The following GABRG3 variants were observed in gnomAD, a reference collection of about 807,000 sequenced individuals.
The protein encoded by GABRG3 is gamma-aminobutyric acid type A receptor subunit gamma3.
Under a neutral mutation model 48.8 loss-of-function variants are expected in GABRG3, and 25 were observed. The ratio of observed to expected loss-of-function variants is 0.51; its 90% confidence interval spans 0.37 to 0.72. The LOEUF (loss-of-function observed/expected upper bound fraction) is 0.72. GABRG3 is among the 30% of genes least tolerant of loss of function. The pLI, the probability that GABRG3 is intolerant of heterozygous loss-of-function variation, is 0.00. For synonymous variants in GABRG3, 227 were observed against 217.6 expected (o/e 1.04, Z -0.38); for missense variants, 394 against 577.9 (o/e 0.68, Z 3.26).
chr15:27,306,950 T>A (rs868582743), intron 3 of GABRG3, among the ~76,000 whole-genome samples: 2 of 124,280 alleles, frequency 1.6e-5, no homozygotes, highest in African/African-American at 6.6e-5. Flanking sequence ...ACATATATAA[T>A]ATAAACATGT....
chr15:27,493,244 A>C (rs960165106), intron 6 of GABRG3, among the ~76,000 whole-genome samples: 1 of 152,162 alleles, frequency 6.6e-6, no homozygotes, highest in Non-Finnish European at 1.5e-5. Flanking sequence ...ACTCTTTTCC[A>C]TACAATAGAC....
At chr15:26,985,481 A>G (rs1018611061) in intron 2 of GABRG3, among the ~76,000 whole-genome samples, 1 of 152,202 alleles carries the variant, frequency 6.6e-6, no homozygotes, top group African/African-American at 2.4e-5. Context: ...CTTGAATTAT[A>G]ATTTTTAAAT....
At chr15:27,356,421 AATGTACTATATGGCAGGAT>A (rs2140542000) in intron 5 of GABRG3, among the ~76,000 whole-genome samples, 1 of 152,268 alleles carries the variant, frequency 6.6e-6, no homozygotes, top group South Asian at 2.1e-4. Flanking sequence ...ATTTTTTGAG[AATGTACTATATGGCAGGAT>A]ATCAGAAAGG....
At chr15:27,228,390 T>C (rs1284363966) in intron 3 of GABRG3, among the ~76,000 whole-genome samples, 1 of 152,242 alleles carries the variant, frequency 6.6e-6, no homozygotes, top group African/African-American at 2.4e-5. Flanking sequence ...GCAAAAGACA[T>C]GTTCTCATTC....
chr15:27,098,770 C>T (rs574956004), intron 3 of GABRG3, among the ~76,000 whole-genome samples: 20 of 151,786 alleles, frequency 1.3e-4, no homozygotes, highest in Admixed American at 5.9e-4. Flanking sequence ...ATAAATGATT[C>T]CAGAAACATA....
At chr15:27,036,469 A>G (rs1348582531) in intron 3 of GABRG3, among the ~76,000 whole-genome samples, 2 of 152,158 alleles carry the variant, frequency 1.3e-5, no homozygotes, top group Non-Finnish European at 2.9e-5. Context: ...AGGCGGGCGG[A>G]TCATGAGGTC....
intron 3 of GABRG3, among the ~76,000 whole-genome samples, chr15:27,099,363 T>G (rs961193050): frequency 6.6e-6 from 1 of 152,128 alleles, no homozygotes; most frequent in African/African-American, 2.4e-5. Flanking sequence ...ATCATCAGGT[T>G]TGGTGTCTTC....
chr15:27,243,756 T>C (rs1262270280), intron 3 of GABRG3, among the ~76,000 whole-genome samples: 1 of 152,180 alleles, frequency 6.6e-6, no homozygotes, highest in East Asian at 1.9e-4. Flanking sequence ...TTAATACTAA[T>C]AAGGTTTAAA....
chr15:27,191,572 T>C (rs1254784772), intron 3 of GABRG3, among the ~76,000 whole-genome samples: 1 of 152,220 alleles, frequency 6.6e-6, no homozygotes, highest in Non-Finnish European at 1.5e-5. Context: ...TTCCATTTGC[T>C]TGGTAGATCT....
intron 5 of GABRG3, among the ~76,000 whole-genome samples, chr15:27,417,335 C>T (rs1395650919): frequency 6.6e-6 from 1 of 152,170 alleles, no homozygotes; most frequent in African/African-American, 2.4e-5. Flanking sequence ...TGACACTCAT[C>T]CCTCTTAAAA....
chr15:27,228,431 T>C (rs1051480510), intron 3 of GABRG3, among the ~76,000 whole-genome samples: 1 of 152,248 alleles, frequency 6.6e-6, no homozygotes, highest in African/African-American at 2.4e-5. Flanking sequence ...TTACATAGTA[T>C]ATATGTACCA....
chr15:27,020,045 T>G (rs1186322600), intron 2 of GABRG3, among the ~76,000 whole-genome samples: 1 of 152,210 alleles, frequency 6.6e-6, no homozygotes, highest in Non-Finnish European at 1.5e-5. Context: ...CACTATTTAC[T>G]GCGTTAACAG....
chr15:27,176,713 G>T (rs935366071), intron 3 of GABRG3, among the ~76,000 whole-genome samples: 1 of 152,146 alleles, frequency 6.6e-6, no homozygotes, highest in African/African-American at 2.4e-5. Context: ...CCCTAGCCAG[G>T]CATCACAGGA....
chr15:27,505,223 C>T (rs1890733894), intron 6 of GABRG3, among the ~76,000 whole-genome samples: 1 of 152,116 alleles, frequency 6.6e-6, no homozygotes. Flanking sequence ...TCTGTTTTCT[C>T]ATGTTAGACA....
intron 3 of GABRG3, among the ~76,000 whole-genome samples, chr15:27,175,837 G>C (rs1489790014): frequency 1.3e-5 from 2 of 152,122 alleles, no homozygotes; most frequent in Non-Finnish European, 2.9e-5. Context: ...GTAAGTGCTG[G>C]TTACAGTGAA....
intron 5 of GABRG3, among the ~76,000 whole-genome samples, chr15:27,348,155 C>CAAAAAAAAAAAAAAAAAAAAAAAAAAAA (rs535295684): frequency 3.9e-5 from 4 of 102,990 alleles, no homozygotes; most frequent in African/African-American, 1.8e-4. Flanking sequence ...GACTCCATCT[C>CAAAAAAAAAAAAAAAAAAAAAAAAAAAA]AAATAAATAA....
intron 3 of GABRG3, among the ~76,000 whole-genome samples, chr15:27,306,296 T>A (rs187639861): frequency 0.038 from 5,185 of 137,184 alleles, 179 homozygotes; most frequent in South Asian, 0.11. Context: ...TGTCTATATA[T>A]AAACATATAT....
chr15:27,523,522 G>A (rs1180714021), intron 7 of GABRG3, among the ~76,000 whole-genome samples: 1 of 151,646 alleles, frequency 6.6e-6, no homozygotes, highest in Non-Finnish European at 1.5e-5. Context: ...ATATCAAAAA[G>A]AAAATGCCAA....
chr15:27,134,469 C>G (rs765548889), intron 3 of GABRG3, among the ~76,000 whole-genome samples: 2 of 152,186 alleles, frequency 1.3e-5, no homozygotes, highest in Non-Finnish European at 2.9e-5. Flanking sequence ...ACTCTCCGCT[C>G]TGTTCAAAGT....
Sources: gnomAD v4.1 joint callset for allele counts (sites outside exome capture counted in the v4.1 genomes callset) on GRCh38, gnomAD v4.1.1 for gene constraint, MANE v1.5 for transcripts, NCBI Gene and HGNC (gene_info 2026-07-23, HGNC 2026-07-21) for gene names.